The following SLC51A variants were observed in gnomAD, a reference collection of about 807,000 sequenced individuals.
The protein encoded by SLC51A is organic solute transporter subunit alpha.
SLC51A carries 22 observed loss-of-function variants against 34.8 expected under a neutral mutation model. The ratio of observed to expected loss-of-function variants is 0.63; its 90% CI spans 0.45 to 0.90. SLC51A has a LOEUF of 0.90. Among genes scored for constraint, SLC51A ranks in the 40% least tolerant of loss-of-function variants. The pLI, the probability that SLC51A is intolerant of heterozygous loss-of-function variation, is 0.00. For synonymous variants in SLC51A, 181 were observed against 176.3 expected, an observed-to-expected ratio of 1.03 and a Z score of -0.21; for missense variants, 371 against 414.8, an observed-to-expected ratio of 0.89 and a Z score of 0.92.
At chr3:196,218,669 C>T (rs758634994) in intron 2 of SLC51A, among the ~76,000 whole-genome samples, 2 of 152,192 alleles carry the variant, frequency 1.3e-5, no homozygotes, top group Non-Finnish European at 2.9e-5. Flanking sequence ...TTTACCTTTG[C>T]GTTTTGTCGC....
chr3:196,216,665 G>C lies in SLC51A; in HGVS notation c.-48G>C. 1 of 1,547,468 alleles carries C rather than the reference G, an allele frequency of 6.5e-7. No individual in the cohort carries two copies. The highest frequency in any genetic ancestry group is 8.7e-7 in the Non-Finnish European group (1 of 1,145,296). The stretch of plus-strand genomic sequence containing the variant: ...CGGCCCCCACCTGCCCGCCCCGCCT[G>C]CCCTTCCTCACCCCGGTGCCTGCGG... On this transcript the variant is annotated 5_prime_UTR_variant, in exon 1 of 9. Transcript: ENST00000296327. The surrounding 1 kb of genome is among the most constrained non-coding windows in gnomAD (Gnocchi z 4.5).
Position 196,227,130 on chromosome 3 carries a change from C to CG in SLC51A, c.288+15dup, listed in dbSNP as rs747966988. Reference sequence around the variant, plus strand: ...AGCTCGGCACCCACGGTGAGGCCCCCGGGGCTGCCCTGTGGGGGGAACTGA... The same window carrying CG: ...AGCTCGGCACCCACGGTGAGGCCCCCGGGGGCTGCCCTGTGGGGGGAACTGA... On this transcript the variant is annotated intron_variant, in intron 3 of 8. Transcript: ENST00000296327. The CG allele has an allele frequency of 6.8e-6, 11 of 1,612,178 alleles. No homozygotes were observed. In the East Asian group the frequency reaches 2.5e-4, roughly 36 times the overall value.
intron 2 of SLC51A, among the ~76,000 whole-genome samples, chr3:196,218,354 T>C (rs1343764285): frequency 6.6e-6 from 1 of 152,178 alleles, no homozygotes; most frequent in East Asian, 1.9e-4. Flanking sequence ...TTACGGTGAG[T>C]GACGTGCTTC....
intron 7 of SLC51A, among the ~76,000 whole-genome samples, chr3:196,230,901 A>AC (rs927971966): frequency 1.6e-4 from 25 of 152,344 alleles, no homozygotes; most frequent in African/African-American, 5.8e-4. Context: ...GGTCACGAGT[A>AC]CCGGGGGGCA....
At chr3:196,230,095 T>C (rs371699603) in intron 7 of SLC51A, 34 bp downstream of exon 7, 98 of 1,573,376 alleles carry the variant, frequency 6.2e-5, no homozygotes, top group Non-Finnish European at 8.2e-5. Flanking sequence ...AGATGTTTCA[T>C]AACCGAGCTA....
At chr3:196,220,890 C>CTT (rs758950658) in intron 2 of SLC51A, among the ~76,000 whole-genome samples, 16,795 of 132,232 alleles carry the variant, frequency 0.13, 1,470 homozygotes, top group East Asian at 0.31. Context: ...CTTAATTTTT[C>CTT]TTTTTTTTTT....
rs1723638930 is a variant in SLC51A, at chr3:196,217,907, A to G, written c.104A>G (p.Gln35Arg). The change falls in exon 2 of 9, where the codon CAG becomes CGG. Residue 35 changes from glutamine to arginine, a missense_variant. By Grantham distance (43) the Gln-to-Arg change is conservative. Coordinates refer to ENST00000296327, the MANE Select transcript of SLC51A (RefSeq NM_152672.6). Reference sequence around the variant, plus strand: ...GGCATCCCCTCCGCCTGCTTCTCTCAGCCTCCCACAGCAGCCCAACTCCTG... The same window carrying G: ...GGCATCCCCTCCGCCTGCTTCTCTCGGCCTCCCACAGCAGCCCAACTCCTG... ...NYGIPSACFS[Q>R]PPTAAQLLRA... is the part of the protein sequence containing the mutation. The G allele has an allele frequency of 6.2e-7, 1 of 1,613,142 alleles. No individual in the cohort carries two copies. The highest frequency in any genetic ancestry group is 8.5e-7 in the Non-Finnish European group (1 of 1,179,668).
chr3:196,218,002 G>A, intron 2 of SLC51A, 66 bp downstream of exon 2: 1 of 1,467,828 alleles, frequency 6.8e-7, no homozygotes, highest in Non-Finnish European at 9.3e-7. Context: ...GTGGAGCTGG[G>A]GAGAGGCGGC....
intron 8 of SLC51A, 102 bp downstream of exon 8, chr3:196,232,626 C>G (rs746768353): frequency 3.5e-6 from 3 of 853,758 alleles, no homozygotes; most frequent in Non-Finnish European, 5.9e-6. Context: ...CTGACTTCTG[C>G]TCAGAGTGTT....
chr3:196,216,708 C>T lies in SLC51A; in HGVS notation c.-5C>T, dbSNP rs1023376064. ...GCCTGCGGGATTGCTGGAGAGAACG[C>T]GGCGATGGAGCCGGGCAGGACCCAG... On this transcript the variant is annotated 5_prime_UTR_variant, in exon 1 of 9. Transcript: ENST00000296327. This position sits in a 1 kb window ranked among gnomAD's most constrained non-coding sequence, Gnocchi z 4.5. 16 of 1,568,458 alleles carry T rather than the reference C, an allele frequency of 1.0e-5. No homozygotes were observed. Among genetic ancestry groups the T allele is most frequent in the African/African-American group, 4.1e-5 (3 of 73,726 alleles).
At chr3:196,223,874 T>TTTTTC (rs1723828875) in intron 2 of SLC51A, 1 of 384,550 alleles carries the variant, frequency 2.6e-6, no homozygotes, top group East Asian at 8.2e-5. Context: ...TTTTTTTTTT[T>TTTTTC]TTTCAGACAG....
Position 196,230,079 on chromosome 3 carries a change from G to A in SLC51A, c.780+18G>A. ...TGTTCCAGGTAACTATACCCTGGGA[G>A]AGAAAAGATGTTTCATAACCGAGCT... On this transcript the variant is annotated intron_variant, in intron 7 of 8. Coordinates refer to ENST00000296327, the MANE Select transcript of SLC51A (RefSeq NM_152672.6). The A allele has an allele frequency of 6.3e-7, 1 of 1,591,166 alleles. No individual in the cohort carries two copies.
chr3:196,229,109 T>C (rs1723968378), intron 6 of SLC51A, among the ~76,000 whole-genome samples, 189 bp downstream of exon 6: 1 of 152,142 alleles, frequency 6.6e-6, no homozygotes. Flanking sequence ...TTCATTACCG[T>C]TCCTGCCGTG....
Position 196,232,485 on chromosome 3 carries a change from G to T in SLC51A, c.847G>T (p.Ala283Ser). The T allele has an allele frequency of 6.2e-7, 1 of 1,614,156 alleles. No homozygotes were observed. Among genetic ancestry groups the T allele is most frequent in the African/African-American group, 1.3e-5 (1 of 75,040 alleles). ...AGTCTTGGCCAACGGTGGGCAGATTGCTTGTTCGCCTCCCTATTCCTCTAA... is the reference window on the plus strand; with the variant it reads ...AGTCTTGGCCAACGGTGGGCAGATTTCTTGTTCGCCTCCCTATTCCTCTAA... ...FSVLANGGQIACSPPYSSKTR... is the reference protein window; with the variant it reads ...FSVLANGGQISCSPPYSSKTR... The change falls in exon 8 of 9, where the codon GCT (alanine) becomes TCT (serine). Residue 283 changes from alanine to serine, a missense_variant. Physicochemically the swap from Ala to Ser is moderately conservative, Grantham distance 99. Transcript: ENST00000296327.
intron 2 of SLC51A, among the ~76,000 whole-genome samples, chr3:196,221,816 C>T (rs1294862425): frequency 6.6e-6 from 1 of 150,914 alleles, no homozygotes; most frequent in Admixed American, 6.6e-5. Flanking sequence ...CCCAGGTTCA[C>T]GCCATTCTCC....
At position 196,227,051 on chromosome 3, in the gene SLC51A, TACCTGTACAAGAAC is replaced by T; in HGVS notation, c.224_237del (p.Leu75ProfsTer129). On this transcript the variant is annotated frameshift_variant, in exon 3 of 9. Transcript: ENST00000296327. LOFTEE classifies it high-confidence loss of function. ...TGCCATCTTCCTGGAGGATGCCGTC[TACCTGTACAAGAAC>T]ACCCTTTGCCCCATCAAGAGGCGGA... The T allele has an allele frequency of 6.2e-7, 1 of 1,614,080 alleles. No individual in the cohort carries two copies. The highest frequency in any genetic ancestry group is 8.5e-7 in the Non-Finnish European group (1 of 1,180,014).
chr3:196,220,640 G>A (rs1447128788), intron 2 of SLC51A, among the ~76,000 whole-genome samples: 1 of 152,104 alleles, frequency 6.6e-6, no homozygotes, highest in Admixed American at 6.6e-5. Context: ...AGAGGTCGTT[G>A]CCCCGGCCTG....
At position 196,217,894 on chromosome 3, in the gene SLC51A, G is replaced by A. The variant is rs1197255768; in HGVS notation, c.91G>A (p.Ala31Thr). 6.2e-6 allele frequency: 10 copies of A among 1,613,424 alleles called. No individual in the cohort carries two copies. The highest frequency in any genetic ancestry group is 3.3e-5 in the South Asian group (3 of 90,932). ...GAAGACCAATTACGGCATCCCCTCCGCCTGCTTCTCTCAGCCTCCCACAGC... is the reference window on the plus strand; with the variant it reads ...GAAGACCAATTACGGCATCCCCTCCACCTGCTTCTCTCAGCCTCCCACAGC... Reference protein sequence around the residue: ...VLKTNYGIPSACFSQPPTAAQ... With the variant: ...VLKTNYGIPSTCFSQPPTAAQ... Residue 31 changes from alanine to threonine, a missense_variant, in exon 2 of 9, where the codon GCC becomes ACC. Physicochemically the swap from Ala to Thr is moderately conservative, Grantham distance 58. Coordinates refer to ENST00000296327, the MANE Select transcript of SLC51A (RefSeq NM_152672.6).
intron 2 of SLC51A, chr3:196,224,055 C>T (rs890238260): frequency 3.5e-6 from 1 of 283,152 alleles, no homozygotes; most frequent in Admixed American, 5.0e-5. Flanking sequence ...GATGGGGTTC[C>T]ACCATGTTGG....
Sources: gnomAD v4.1 joint callset for allele counts (sites outside exome capture counted in the v4.1 genomes callset) on GRCh38, gnomAD v4.1.1 for gene constraint, Gnocchi (gnomAD v3.1) non-coding constraint, MANE v1.5 for transcripts, NCBI Gene and HGNC (gene_info 2026-07-23, HGNC 2026-07-21) for gene names.